ALDH9A1: variants seen among roughly 807,000 people sequenced by gnomAD.
ALDH9A1 encodes aldehyde dehydrogenase 9 family member A1.
Under a neutral mutation model 56.6 loss-of-function variants are expected in ALDH9A1, and 42 were observed. That is an observed-to-expected ratio of 0.74 (90% confidence interval 0.58 to 0.96). The LOEUF (loss-of-function observed/expected upper bound fraction) is 0.96, where lower values mean the gene tolerates loss of function less well. Ranked by LOEUF, ALDH9A1 falls within the 40% of genes least tolerant of loss-of-function variation. The pLI, the probability that ALDH9A1 is intolerant of heterozygous loss-of-function variation, is 0.00. For synonymous variants in ALDH9A1, 242 were observed against 236.0 expected (o/e 1.03, Z -0.23); for missense variants, 661 against 651.5 (o/e 1.01, Z -0.16).
Position 165,662,893 on chromosome 1 carries a change from A to C in ALDH9A1, c.*157T>G, listed in dbSNP as rs940852360. The C allele has an allele frequency of 2.4e-5, 15 of 629,928 alleles. No individual in the cohort carries two copies. Among genetic ancestry groups the C allele is most frequent in the Non-Finnish European group, 4.0e-5 (14 of 352,918 alleles). 39.0% of individuals were successfully genotyped at this position (629,928 alleles called of 1,614,324 possible). A position where few individuals can be genotyped will look rare whatever the true frequency, so the allele number is the denominator to read the frequency against. Reference sequence around the variant, plus strand: ...ACTTAATGCACATTTTCAGTGAGGAAGCTGATGGAGAGAGAAAGAGTAACA... The same window carrying C: ...ACTTAATGCACATTTTCAGTGAGGACGCTGATGGAGAGAGAAAGAGTAACA... On this transcript the variant is annotated 3_prime_UTR_variant, in exon 11 of 11. Coordinates refer to ENST00000354775, the MANE Select transcript of ALDH9A1 (RefSeq NM_000696.4).
At chr1:165,676,981 A>G (rs1571172969) in intron 6 of ALDH9A1, among the ~76,000 whole-genome samples, 1 of 152,176 alleles carries the variant, frequency 6.6e-6, no homozygotes, top group African/African-American at 2.4e-5. Flanking sequence ...TCGTGCAACA[A>G]ATTACTCAAC....
chr1:165,681,497 T>C (rs1472871451), intron 4 of ALDH9A1, among the ~76,000 whole-genome samples: 5 of 152,222 alleles, frequency 3.3e-5, no homozygotes, highest in Admixed American at 6.5e-5. Context: ...GAACATGCAA[T>C]GGCAACAGGA....
intron 6 of ALDH9A1, among the ~76,000 whole-genome samples, chr1:165,670,798 A>T (rs958049786): frequency 1.5e-4 from 23 of 152,134 alleles, no homozygotes; most frequent in Non-Finnish European, 2.8e-4. Flanking sequence ...AAGGTTGGGC[A>T]TAGTGGCTCA....
chr1:165,670,999 A>T (rs1287735071), intron 6 of ALDH9A1, among the ~76,000 whole-genome samples: 3 of 152,204 alleles, frequency 2.0e-5, no homozygotes, highest in Non-Finnish European at 2.9e-5. Flanking sequence ...TCAACGTGGG[A>T]GATGGAGGTT....
intron 2 of ALDH9A1, among the ~76,000 whole-genome samples, chr1:165,691,664 C>A (rs1006903801): frequency 6.6e-6 from 1 of 152,184 alleles, no homozygotes; most frequent in African/African-American, 2.4e-5. Flanking sequence ...CAAAGATGAG[C>A]TGGTACTATT....
intron 6 of ALDH9A1, among the ~76,000 whole-genome samples, chr1:165,673,790 A>C (rs1649256486): frequency 3.9e-5 from 6 of 152,150 alleles, no homozygotes; most frequent in Admixed American, 3.9e-4. Context: ...CTTAGGATTA[A>C]GGGTTCTTTT....
intron 6 of ALDH9A1, chr1:165,676,451 T>C (rs1033640187): frequency 1.2e-5 from 3 of 248,854 alleles, no homozygotes; most frequent in Non-Finnish European, 2.3e-5. Flanking sequence ...ACGGGTACTA[T>C]TCAAAAAGGA....
Position 165,667,046 on chromosome 1 carries a change from A to T in ALDH9A1, c.1349+263T>A, listed in dbSNP as rs149555886. 2.4e-3 allele frequency among the ~76,000 whole-genome samples: 359 copies of T among 152,304 alleles called. 1 individual carries two copies. Among genetic ancestry groups the T allele is most frequent in the African/African-American group, 8.3e-3 (347 of 41,560 alleles). ...ACATGTGTGTTTTCAAAAGACATCTAACCCAATGCTTTACATAGATCAGAA... is the reference window on the plus strand; with the variant it reads ...ACATGTGTGTTTTCAAAAGACATCTTACCCAATGCTTTACATAGATCAGAA... On this transcript the variant is annotated intron_variant, in intron 9 of 10. Coordinates refer to ENST00000354775, the MANE Select transcript of ALDH9A1 (RefSeq NM_000696.4).
intron 5 of ALDH9A1, 55 bp downstream of exon 5, chr1:165,680,432 G>T (rs554203371): frequency 1.3e-6 from 2 of 1,576,756 alleles, no homozygotes; most frequent in South Asian, 2.3e-5. Flanking sequence ...GGGTAGGACC[G>T]GATTTGCCAC....
At chr1:165,695,653 G>A (rs898234719) in intron 1 of ALDH9A1, among the ~76,000 whole-genome samples, 21 of 149,712 alleles carry the variant, frequency 1.4e-4, no homozygotes, top group Non-Finnish European at 1.8e-4. Flanking sequence ...ACGCCACTAC[G>A]CCCAGCTAAT....
intron 2 of ALDH9A1, among the ~76,000 whole-genome samples, chr1:165,689,592 G>A (rs750351358): frequency 2.0e-5 from 3 of 152,132 alleles, no homozygotes; most frequent in Non-Finnish European, 2.9e-5. Context: ...GATCTCACCT[G>A]GTTCTCATCC....
intron 5 of ALDH9A1, among the ~76,000 whole-genome samples, chr1:165,679,958 A>G (rs892310162): frequency 6.6e-5 from 10 of 152,064 alleles, no homozygotes; most frequent in African/African-American, 2.4e-4. Context: ...GGCTGCAGTA[A>G]GCTGTGACTA....
chr1:165,683,148 C>G, intron 2 of ALDH9A1, 38 bp from the exon 3 acceptor site: 1 of 1,595,176 alleles, frequency 6.3e-7, no homozygotes, highest in Non-Finnish European at 8.6e-7. Context: ...AAGACATATT[C>G]CAATATGTCT....
At chr1:165,667,724 A>C (rs1343377613) in intron 8 of ALDH9A1, among the ~76,000 whole-genome samples, 1 of 152,316 alleles carries the variant, frequency 6.6e-6, no homozygotes, top group East Asian at 1.9e-4. Context: ...GGGGATGGAC[A>C]TTAGGTTTTC....
chr1:165,682,223 G>A lies in ALDH9A1; in HGVS notation c.476C>T (p.Pro159Leu), dbSNP rs1297348271. ...TCTGGTATAACCAAACGATCCACCT[G>A]GGAGCTGGATGTGTTCACCTATGGG... ...ASMAGEHIQL[P>L]GGSFGYTRRE... The change falls in exon 4 of 11, where the codon CCA becomes CTA. Residue 159 changes from proline to leucine, a missense_variant. Physicochemically the swap from Pro to Leu is moderately conservative, Grantham distance 98 (BLOSUM62 -3). Transcript: ENST00000354775. 3 of 1,613,638 alleles carry A rather than the reference G, an allele frequency of 1.9e-6. No individual in the cohort carries two copies. The highest frequency in any genetic ancestry group is 1.7e-6 in the Non-Finnish European group (2 of 1,179,816).
chr1:165,694,713 TTG>T (rs1650009647), intron 2 of ALDH9A1, among the ~76,000 whole-genome samples: 1 of 152,172 alleles, frequency 6.6e-6, no homozygotes, highest in South Asian at 2.1e-4. Flanking sequence ...TCCCAGCATT[TTG>T]TGAGGCCGAT....
At chr1:165,698,345 GGCGCCCCA>G (rs762510461) in intron 1 of ALDH9A1, 25 bp downstream of exon 1, 1 of 1,569,238 alleles carries the variant, frequency 6.4e-7, no homozygotes, top group East Asian at 2.3e-5. Flanking sequence ...CCGGCCCCAG[GGCGCCCCA>G]GCCTCCCCGG....
intron 6 of ALDH9A1, among the ~76,000 whole-genome samples, 198 bp downstream of exon 6, chr1:165,679,244 T>C (rs1213671773): frequency 6.6e-6 from 1 of 152,222 alleles, no homozygotes; most frequent in Non-Finnish European, 1.5e-5. Flanking sequence ...TACAGGCAGA[T>C]AAAGAAGATG....
At chr1:165,686,799 CAT>C (rs1469327272) in intron 2 of ALDH9A1, among the ~76,000 whole-genome samples, 3 of 152,074 alleles carry the variant, frequency 2.0e-5, no homozygotes, top group African/African-American at 4.8e-5. Context: ...CACTAGAGAT[CAT>C]ATGTCTAGTG....
Sources: gnomAD v4.1 joint callset for allele counts (sites outside exome capture counted in the v4.1 genomes callset) on GRCh38, gnomAD v4.1.1 for gene constraint, MANE v1.5 for transcripts, NCBI Gene and HGNC (gene_info 2026-07-23, HGNC 2026-07-21) for gene names.